THADA: variants seen among roughly 807,000 people sequenced by gnomAD.
THADA encodes THADA armadillo repeat containing.
In THADA, 213 loss-of-function variants were observed where a neutral mutation model predicts 219.8. That is an observed-to-expected ratio of 0.97 (90% CI 0.87 to 1.09). The LOEUF is 1.09. Ranked by LOEUF, THADA falls within the 50% of genes least tolerant of loss-of-function variation. THADA has a pLI of 0.00. For synonymous variants in THADA, 1,018 were observed against 828.9 expected, an observed-to-expected ratio of 1.23 and a Z score of -3.92; for missense variants, 2,956 against 2,311.3, an observed-to-expected ratio of 1.28 and a Z score of -5.72.
intron 29 of THADA, among the ~76,000 whole-genome samples, chr2:43,378,570 T>C (rs1671641826): frequency 1.3e-5 from 2 of 152,240 alleles, no homozygotes; most frequent in African/African-American, 4.8e-5. Context: ...ATAGCTGTCT[T>C]ATTATAATAA....
chr2:43,379,279 A>T (rs965626983), intron 29 of THADA, among the ~76,000 whole-genome samples: 1 of 152,214 alleles, frequency 6.6e-6, no homozygotes, highest in African/African-American at 2.4e-5. Flanking sequence ...AACTTCCAAC[A>T]GAATAAGGTA....
Position 43,383,478 on chromosome 2 carries a change from T to C in THADA, c.4227+14493A>G, listed in dbSNP as rs536566900. Among the ~76,000 whole-genome samples the C allele has an allele frequency of 2.6e-5, 4 of 152,304 alleles. No individual in the cohort carries two copies. The East Asian group carries it at 7.7e-4, about 29-fold the overall frequency. On this transcript the variant is annotated intron_variant, in intron 29 of 37. Coordinates refer to ENST00000405975, the MANE Select transcript of THADA (RefSeq NM_022065.5). ...ATCACACCCATCTCCCTGTTGGTCA[T>C]GGAAACAAAGGCATAACCAATCACC...
intron 28 of THADA, among the ~76,000 whole-genome samples, chr2:43,423,578 G>T (rs933295019): frequency 6.6e-6 from 1 of 151,848 alleles, no homozygotes; most frequent in Non-Finnish European, 1.5e-5. Context: ...GACTACAGGC[G>T]CCTGCCACTA....
intron 21 of THADA, among the ~76,000 whole-genome samples, chr2:43,540,723 CA>C (rs1695185546): frequency 6.6e-6 from 1 of 151,836 alleles, no homozygotes; most frequent in Non-Finnish European, 1.5e-5. Flanking sequence ...AAAAGTCAGC[CA>C]AAAAAACCAA....
intron 31 of THADA, among the ~76,000 whole-genome samples, chr2:43,305,035 T>C (rs564407711): frequency 1.3e-5 from 2 of 152,334 alleles, no homozygotes; most frequent in East Asian, 3.9e-4. Context: ...ATTGTAGCAT[T>C]GGTCAGAGCT....
At chr2:43,309,550 A>G (rs977387893) in intron 31 of THADA, among the ~76,000 whole-genome samples, 14 of 152,246 alleles carry the variant, frequency 9.2e-5, no homozygotes, top group East Asian at 1.9e-4. Context: ...TAAAATTACA[A>G]TATCATCTCA....
chr2:43,570,549 C>T (rs937038917), intron 13 of THADA, 39 bp from the exon 14 acceptor site: 4 of 1,574,722 alleles, frequency 2.5e-6, no homozygotes, highest in Non-Finnish European at 2.6e-6. Flanking sequence ...GTGAGCCACA[C>T]ATTAAATTTA....
chr2:43,365,687 G>C (rs1490146351), intron 29 of THADA, among the ~76,000 whole-genome samples: 2 of 151,978 alleles, frequency 1.3e-5, no homozygotes, highest in East Asian at 1.9e-4. Flanking sequence ...GCAGTGTAGA[G>C]AATAAGGGTA....
chr2:43,481,644 A>T (rs547217635), intron 26 of THADA, among the ~76,000 whole-genome samples: 29 of 152,328 alleles, frequency 1.9e-4, no homozygotes, highest in African/African-American at 9.6e-5. Context: ...TCTGACTCAC[A>T]TGTAACAATT....
At position 43,557,034 on chromosome 2, in the gene THADA, G is replaced by A. The variant is rs149772175; in HGVS notation, c.2464-479C>T. On this transcript the variant is annotated intron_variant, in intron 16 of 37. Transcript: ENST00000405975. ...GGAGTTCATGGCTGCAGTGAGCAGT[G>A]ATTGCACCACTGTGCTCCAGCCTAG... Among the ~76,000 whole-genome samples the A allele has an allele frequency of 8.6e-4, 131 of 152,300 alleles. 1 individual carries two copies. In the East Asian group the frequency reaches 0.021, roughly 25 times the overall value.
chr2:43,333,294 C>T (rs1666007300), intron 30 of THADA: 1 of 152,092 alleles, frequency 6.6e-6, no homozygotes, highest in South Asian at 2.1e-4. Flanking sequence ...TGTCAGCATG[C>T]TTGGGTTTAA....
At chr2:43,394,182 T>C (rs866260267) in intron 29 of THADA, among the ~76,000 whole-genome samples, 1 of 152,238 alleles carries the variant, frequency 6.6e-6, no homozygotes, top group Admixed American at 6.5e-5. Context: ...AACCTCACCT[T>C]TTCTAATGTG....
intron 14 of THADA, among the ~76,000 whole-genome samples, chr2:43,568,994 G>C (rs2103988918): frequency 6.6e-6 from 1 of 151,938 alleles, no homozygotes. Flanking sequence ...TTTGAAGCAG[G>C]GTCTCGCTGC....
At chr2:43,492,917 G>A (rs937276141) in intron 25 of THADA, among the ~76,000 whole-genome samples, 2 of 152,194 alleles carry the variant, frequency 1.3e-5, no homozygotes, top group African/African-American at 2.4e-5. Context: ...TTAGAAAAAA[G>A]GTCCCTCTTC....
chr2:43,573,823 T>C (rs941939065), intron 11 of THADA, among the ~76,000 whole-genome samples: 2 of 152,224 alleles, frequency 1.3e-5, no homozygotes, highest in Non-Finnish European at 2.9e-5. Context: ...GTGATTCCTG[T>C]AGGGTTTGTG....
At chr2:43,580,499 T>A (rs1033756792) in intron 8 of THADA, among the ~76,000 whole-genome samples, 3 of 124,082 alleles carry the variant, frequency 2.4e-5, no homozygotes, top group South Asian at 5.7e-4. Context: ...TTCCTTTCCT[T>A]TTAATACCTG....
intron 24 of THADA, among the ~76,000 whole-genome samples, chr2:43,501,307 C>CAAAAAAAAAAAAAAAAAAAAAAAAAA (rs60448094): frequency 6.6e-5 from 1 of 15,042 alleles, no homozygotes; most frequent in Non-Finnish European, 1.3e-4. Flanking sequence ...ACTCCAACTC[C>CAAAAAAAAAAAAAAAAAAAAAAAAAA]AAAAAAAAAA....
chr2:43,490,863 T>C (rs756203844), intron 25 of THADA, among the ~76,000 whole-genome samples: 6 of 152,172 alleles, frequency 3.9e-5, no homozygotes, highest in Non-Finnish European at 7.4e-5. Context: ...GGTCTTGGAA[T>C]GCATCCTCCT....
At chr2:43,315,956 T>C (rs975617067) in intron 31 of THADA, among the ~76,000 whole-genome samples, 2 of 152,198 alleles carry the variant, frequency 1.3e-5, no homozygotes, top group African/African-American at 2.4e-5. Context: ...CTTTGGCCTG[T>C]GAATGAGGCC....
Sources: gnomAD v4.1 joint callset for allele counts (sites outside exome capture counted in the v4.1 genomes callset) on GRCh38, gnomAD v4.1.1 for gene constraint, MANE v1.5 for transcripts, NCBI Gene and HGNC (gene_info 2026-07-23, HGNC 2026-07-21) for gene names.